PREB: variants seen among roughly 807,000 people sequenced by gnomAD.
PREB encodes prolactin regulatory element binding.
Under a neutral mutation model 46.7 loss-of-function variants are expected in PREB, and 29 were observed. The ratio of observed to expected loss-of-function variants is 0.62; its 90% CI spans 0.46 to 0.85. The LOEUF (loss-of-function observed/expected upper bound fraction) is 0.85. Among genes scored for constraint, PREB ranks in the 40% least tolerant of loss-of-function variants. The probability of loss-of-function intolerance (pLI) is 0.00; values close to 1 mark genes in which losing one functional copy is unlikely to be tolerated. For missense variants in PREB, 494 were observed against 528.4 expected (o/e 0.93, Z 0.64); for synonymous variants, 224 against 220.1 (o/e 1.02, Z -0.16).
At chr2:27,133,061 C>T in intron 3 of PREB, 56 bp downstream of exon 3, 1 of 1,596,816 alleles carries the variant, frequency 6.3e-7, no homozygotes, top group Admixed American at 1.7e-5. Context: ...CAACTTCTCA[C>T]AATTTTGATC....
chr2:27,132,258 G>T lies in PREB; in HGVS notation c.898C>A (p.His300Asn). Residue 300 changes from histidine to asparagine, a missense_variant, in exon 6 of 9, where the codon CAT (histidine) becomes AAT (asparagine). Physicochemically the swap from His to Asn is moderately conservative, Grantham distance 68. Transcript: ENST00000260643. This position sits in a 1 kb window ranked among gnomAD's most constrained non-coding sequence, Gnocchi z 4.0. ...ACATCGAGGCAGGAGACGACTTCATGGCCACAGGACTTGGTCCGAAGGGGC... is the reference window on the plus strand; with the variant it reads ...ACATCGAGGCAGGAGACGACTTCATTGCCACAGGACTTGGTCCGAAGGGGC... ...FLPLRTKSCG[H>N]EVVSCLDVSE... 6.2e-7 allele frequency: 1 copy of T among 1,614,172 alleles called. No homozygotes were observed. The highest frequency in any genetic ancestry group is 1.1e-5 in the South Asian group (1 of 91,090).
At chr2:27,131,622 T>C in intron 8 of PREB, 50 bp downstream of exon 8, 1 of 1,604,654 alleles carries the variant, frequency 6.2e-7, no homozygotes, top group Non-Finnish European at 8.5e-7. Context: ...GGCACGTTTC[T>C]GGTCATTAAA....
chr2:27,131,580 G>A, intron 8 of PREB, 72 bp from the exon 9 acceptor site: 2 of 1,596,564 alleles, frequency 1.3e-6, no homozygotes, highest in East Asian at 2.2e-5. Context: ...CCCTTCAAAG[G>A]AGGAGTGGCA....
rs756913299 is a variant in PREB, at chr2:27,131,436, C to T, written c.1232G>A (p.Ser411Asn). The T allele has an allele frequency of 2.6e-6, 4 of 1,561,494 alleles. No homozygotes were observed. In the African/African-American group the frequency reaches 5.5e-5, roughly 21 times the overall value. The change falls in exon 9 of 9, where the codon AGT (serine) becomes AAT (asparagine). Residue 411 changes from serine to asparagine, a missense_variant. By Grantham distance (46) the Ser-to-Asn change is conservative. Coordinates refer to ENST00000260643, the MANE Select transcript of PREB (RefSeq NM_013388.6). ...LIIVTILLLQ[S>N]AFPGFL ...AAGCTAAAGGAAACCTGGAAAGGCA[C>T]TCTGGAGCAGCAGGATGGTCACAAT...
At position 27,134,341 on chromosome 2, in the gene PREB, C is replaced by T. The variant is rs773789466; in HGVS notation, c.81G>A (p.Leu27=). 2 of 1,611,672 alleles carry T rather than the reference C, an allele frequency of 1.2e-6. No homozygotes were observed. The highest frequency in any genetic ancestry group is 2.2e-5 in the South Asian group (2 of 91,012). Residue 27 remains leucine (L), a synonymous_variant, in exon 1 of 9, where the codon CTG becomes CTA. Transcript: ENST00000260643. ...CGCCTCCTCCGCCCGCAGCGATGAGCAGCCCAGTGCTGGGGTCGACCTGAA... is the reference window on the plus strand; with the variant it reads ...CGCCTCCTCCGCCCGCAGCGATGAGTAGCCCAGTGCTGGGGTCGACCTGAA... ...YALQVDPSTG[L]LIAAGGGGAA...
intron 3 of PREB, 87 bp downstream of exon 3, chr2:27,133,030 A>G (rs1672348461): frequency 6.3e-7 from 1 of 1,583,652 alleles, no homozygotes; most frequent in Non-Finnish European, 8.7e-7. Flanking sequence ...CTTCATTCAC[A>G]AGTTTCCCAG....
At chr2:27,134,129 G>C (rs767648719) in intron 1 of PREB, 158 bp downstream of exon 1, 2 of 985,420 alleles carry the variant, frequency 2.0e-6, no homozygotes, top group Non-Finnish European at 2.9e-6. Context: ...CTGAGTTCTC[G>C]ACTGAAATTC....
In PREB at chr2:27,132,988, C is replaced by A; in HGVS notation, c.547-65G>T. 1 of 1,589,220 alleles carries A rather than the reference C, an allele frequency of 6.3e-7. No individual in the cohort carries two copies. Among genetic ancestry groups the A allele is most frequent in the African/African-American group, 1.3e-5 (1 of 74,474 alleles). On this transcript the variant is annotated intron_variant, in intron 3 of 8. Coordinates refer to ENST00000260643, the MANE Select transcript of PREB (RefSeq NM_013388.6). This position sits in a 1 kb window ranked among gnomAD's most constrained non-coding sequence, Gnocchi z 4.0. ...GCAAGTACACTGTGACTGATGCCCA[C>A]GCCACCCCTTCTAATGGCCCCTCAA...
rs931363384 is a variant in PREB at position 27,134,612 on chromosome 2, C to A, written c.-191G>T. The A allele has an allele frequency of 5.1e-5, 67 of 1,313,928 alleles. No homozygotes were observed. The highest frequency in any genetic ancestry group is 2.0e-5 in the Non-Finnish European group (21 of 1,035,860). The allele number at this position is 1,313,928 out of a possible 1,614,324, so 81.4% of individuals were successfully genotyped here. A position where few individuals can be genotyped will look rare whatever the true frequency, so the allele number is the denominator to read the frequency against. On this transcript the variant is annotated 5_prime_UTR_variant, in exon 1 of 9. Coordinates refer to ENST00000260643, the MANE Select transcript of PREB (RefSeq NM_013388.6). ...AGCCGAGCCTCAGCTCGGCTCCGTC[C>A]AAGTCGGTCTCGCAGACGCGCACTG...
chr2:27,134,620 TC>T lies in PREB; in HGVS notation c.-200del. The T allele has an allele frequency of 7.7e-7, 1 of 1,295,068 alleles. No individual in the cohort carries two copies. The highest frequency in any genetic ancestry group is 9.8e-7 in the Non-Finnish European group (1 of 1,023,126). The allele number at this position is 1,295,068 out of a possible 1,614,324, so 80.2% of individuals were successfully genotyped here. The stretch of plus-strand genomic sequence containing the variant: ...CTCAGCTCGGCTCCGTCCAAGTCGG[TC>T]TCGCAGACGCGCACTGCGCATGCGC... On this transcript the variant is annotated 5_prime_UTR_variant, in exon 1 of 9. Coordinates refer to ENST00000260643, the MANE Select transcript of PREB (RefSeq NM_013388.6).
In PREB at chr2:27,133,588, C is replaced by T. The variant is rs955799645; in HGVS notation, c.269G>A (p.Cys90Tyr). 1.9e-6 allele frequency: 3 copies of T among 1,614,044 alleles called. No homozygotes were observed. Among genetic ancestry groups the T allele is most frequent in the African/African-American group, 2.7e-5 (2 of 74,942 alleles). ...ATGTGCCTGGAAGCGCAGGAGCTGACAGTGGGCATCCTGCCCTGCAGCAAG... is the reference window on the plus strand; with the variant it reads ...ATGTGCCTGGAAGCGCAGGAGCTGATAGTGGGCATCCTGCCCTGCAGCAAG... ...DILAAGQDAH[C>Y]QLLRFQAHQQ... The change falls in exon 2 of 9, where the codon TGT becomes TAT. Residue 90 changes from cysteine to tyrosine, a missense_variant. Coordinates refer to ENST00000260643, the MANE Select transcript of PREB (RefSeq NM_013388.6).
chr2:27,132,789 C>G lies in PREB; in HGVS notation c.627+54G>C. Reference sequence around the variant, plus strand: ...GGGGATCCACTTACTGGGCAAGCAGCATAAGCACCTCCTCTCTCCTTTCTC... The same window carrying G: ...GGGGATCCACTTACTGGGCAAGCAGGATAAGCACCTCCTCTCTCCTTTCTC... On this transcript the variant is annotated intron_variant, in intron 4 of 8. Coordinates refer to ENST00000260643, the MANE Select transcript of PREB (RefSeq NM_013388.6). The surrounding 1 kb of genome is among the most constrained non-coding windows in gnomAD (Gnocchi z 4.0). 1 of 1,613,424 alleles carries G rather than the reference C, an allele frequency of 6.2e-7. No homozygotes were observed. The highest frequency in any genetic ancestry group is 8.5e-7 in the Non-Finnish European group (1 of 1,179,406).
In PREB at chr2:27,132,379, A is replaced by T. The variant is rs765451335; in HGVS notation, c.777T>A (p.Pro259=). 3.1e-6 allele frequency: 5 copies of T among 1,612,438 alleles called. No individual in the cohort carries two copies. In the African/African-American group the frequency reaches 5.3e-5, roughly 17 times the overall value. The change falls in exon 6 of 9, where the codon CCT becomes CCA. Residue 259 remains proline, a synonymous_variant. Transcript: ENST00000260643. The surrounding 1 kb of genome is among the most constrained non-coding windows in gnomAD (Gnocchi z 4.0). Reference sequence around the variant, plus strand: ...GCACTGTGAAGAGTCGCAGGCCAGCAGGCTGGTCTGGAACCTGCCCAAACC... The same window carrying T: ...GCACTGTGAAGAGTCGCAGGCCAGCTGGCTGGTCTGGAACCTGCCCAAACC... ...ACRFGQVPDQ[P]AGLRLFTVQI...
intron 1 of PREB, 77 bp from the exon 2 acceptor site, chr2:27,133,798 C>A: frequency 3.5e-6 from 5 of 1,440,150 alleles, no homozygotes; most frequent in Non-Finnish European, 4.8e-6. Flanking sequence ...TGATGTCTTA[C>A]CCCTTTGCTT....
rs1476740719 is a variant in PREB, at chr2:27,133,159, C to G, written c.504G>C (p.Leu168=). The G allele has an allele frequency of 3.1e-6, 5 of 1,614,252 alleles. No individual in the cohort carries two copies. Among genetic ancestry groups the G allele is most frequent in the Admixed American group, 1.7e-5 (1 of 60,026 alleles). Residue 168 remains leucine, a synonymous_variant, in exon 3 of 9, where the codon CTG becomes CTC. Transcript: ENST00000260643. ...KVVCFNHDNT[L]LATGGTDGYV... The stretch of plus-strand genomic sequence containing the variant: ...AGCCATCTGTTCCTCCAGTGGCAAG[C>G]AGGGTATTATCGTGGTTGAAGCACA...
In PREB at chr2:27,134,428, C is replaced by T. The variant is rs1280919052; in HGVS notation, c.-7G>A. The T allele has an allele frequency of 1.9e-6, 3 of 1,557,998 alleles. No homozygotes were observed. Among genetic ancestry groups the T allele is most frequent in the African/African-American group, 1.4e-5 (1 of 71,408 alleles). On this transcript the variant is annotated 5_prime_UTR_variant, in exon 1 of 9. Coordinates refer to ENST00000260643, the MANE Select transcript of PREB (RefSeq NM_013388.6). ...GCGCCCGGCGCCGGCCCATCCCGCCCGGCGCGCGTTCACTGCCCGCACCGC... is the reference window on the plus strand; with the variant it reads ...GCGCCCGGCGCCGGCCCATCCCGCCTGGCGCGCGTTCACTGCCCGCACCGC...
Position 27,131,495 on chromosome 2 carries a change from C to T in PREB, c.1173G>A (p.Val391=), listed in dbSNP as rs1318434335. The T allele has an allele frequency of 3.1e-6, 5 of 1,587,830 alleles. No homozygotes were observed. The South Asian group carries it at 5.7e-5, about 18-fold the overall frequency. ...CGACACACAGCAGGAGCAGGAGCCA[C>T]ACAGGAACACTCCCTGCAGGAGGGA... ...HLLPSRRSVP[V]WLLLLLCVGL... is the part of the protein sequence containing the mutation. Residue 391 remains valine, a synonymous_variant, in exon 9 of 9, where the codon GTG becomes GTA. Coordinates refer to ENST00000260643, the MANE Select transcript of PREB (RefSeq NM_013388.6).
chr2:27,133,852 CTCATTTG>C, intron 1 of PREB, 131 bp from the exon 2 acceptor site: 5 of 803,036 alleles, frequency 6.2e-6, no homozygotes, highest in African/African-American at 1.8e-5. Flanking sequence ...TCTTTTTTCT[CTCATTTG>C]GGCCTCACAA....
rs938222865 is a variant in PREB, at chr2:27,134,313, C to T, written c.109G>A (p.Ala37Thr). The T allele has an allele frequency of 6.2e-7, 1 of 1,609,690 alleles. No individual in the cohort carries two copies. Among genetic ancestry groups the T allele is most frequent in the African/African-American group, 1.3e-5 (1 of 74,816 alleles). ...LLIAAGGGGA[A>T]KTGIKNGVHF... The stretch of plus-strand genomic sequence containing the variant: ...ACGCCATTCTTTATGCCTGTCTTGG[C>T]GGCGCCTCCTCCGCCCGCAGCGATG... The change falls in exon 1 of 9, where the codon GCC (alanine) becomes ACC (threonine). Residue 37 changes from alanine to threonine, a missense_variant. Coordinates refer to ENST00000260643, the MANE Select transcript of PREB (RefSeq NM_013388.6).
Sources: allele counts gnomAD v4.1 joint callset, GRCh38; gene constraint gnomAD v4.1.1; non-coding constraint Gnocchi (gnomAD v3.1); transcripts MANE v1.5; gene names NCBI Gene and HGNC (gene_info 2026-07-23, HGNC 2026-07-21).